The following SFXN4 variants were observed in gnomAD, a reference collection of about 807,000 sequenced individuals.
SFXN4 encodes sideroflexin 4, also known as sideroflexin-4.
A neutral mutation model predicts 54.6 loss-of-function variants in SFXN4; 48 were observed. That is an observed-to-expected ratio of 0.88 (90% CI 0.70 to 1.12). SFXN4 has a LOEUF of 1.12. Among genes scored for constraint, SFXN4 ranks in the 50% most tolerant of loss-of-function variants. The pLI is 0.00. For missense variants in SFXN4, 383 were observed against 409.2 expected, an observed-to-expected ratio of 0.94 and a Z score of 0.55; for synonymous variants, 130 against 145.5, an observed-to-expected ratio of 0.89 and a Z score of 0.77.
At chr10:119,149,222 A>G (rs1367519278) in intron 11 of SFXN4, among the ~76,000 whole-genome samples, 1 of 152,060 alleles carries the variant, frequency 6.6e-6, no homozygotes, top group African/African-American at 2.4e-5. Flanking sequence ...TCGTGTACCC[A>G]AGAGGAGCAG....
chr10:119,147,587 C>T lies in SFXN4; in HGVS notation c.818+188G>A, dbSNP rs546877481. Among the ~76,000 whole-genome samples, 24 of 152,210 alleles carry T rather than the reference C, an allele frequency of 1.6e-4. No individual in the cohort carries two copies. In the South Asian group the frequency reaches 1.9e-3, roughly 12 times the overall value. On this transcript the variant is annotated intron_variant, in intron 12 of 13. Coordinates refer to ENST00000355697, the MANE Select transcript of SFXN4 (RefSeq NM_213649.2). ...CAGAGCCTGGGCTGGATTCCCCATT[C>T]GGTGGAATCCGTACACCCGGATTTC...
chr10:119,144,379 C>T (rs1405795228), intron 13 of SFXN4, among the ~76,000 whole-genome samples: 1 of 152,066 alleles, frequency 6.6e-6, no homozygotes, highest in Non-Finnish European at 1.5e-5. Context: ...ATGGCATGAA[C>T]CCGAGAGGTG....
intron 13 of SFXN4, among the ~76,000 whole-genome samples, chr10:119,143,412 T>C (rs1306237010): frequency 6.6e-6 from 1 of 151,980 alleles, no homozygotes; most frequent in Non-Finnish European, 1.5e-5. Flanking sequence ...GTGACCCCAT[T>C]GTAGCCTTGA....
chr10:119,163,092 C>T (rs1011454450), intron 2 of SFXN4, among the ~76,000 whole-genome samples: 5 of 152,110 alleles, frequency 3.3e-5, no homozygotes, highest in African/African-American at 1.2e-4. Context: ...GCCACCACAG[C>T]CAGCCTCCAT....
At chr10:119,161,020 A>G in intron 4 of SFXN4, 35 bp downstream of exon 4, 1 of 1,614,148 alleles carries the variant, frequency 6.2e-7, no homozygotes, top group Non-Finnish European at 8.5e-7. Context: ...TTGTTATTAT[A>G]GGACACTAAA....
chr10:119,161,888 T>G (rs1235503329), intron 3 of SFXN4, among the ~76,000 whole-genome samples: 1 of 152,198 alleles, frequency 6.6e-6, no homozygotes, highest in Non-Finnish European at 1.5e-5. Flanking sequence ...CTTGAGGAGC[T>G]GGTGTTTGTG....
rs376186435 is a variant in SFXN4, at chr10:119,141,181, C to G, written c.*61G>C. ...AGACCTGTGGCAAAGTTCTCTAAAC[C>G]GAACCTGGAGAGGGGAAGGTTTTCA... is the stretch of plus-strand genomic sequence containing the variant. On this transcript the variant is annotated 3_prime_UTR_variant, in exon 14 of 14. Coordinates refer to ENST00000355697, the MANE Select transcript of SFXN4 (RefSeq NM_213649.2). 2.6e-4 allele frequency: 338 copies of G among 1,313,838 alleles called. 1 individual carries two copies. Among genetic ancestry groups the G allele is most frequent in the Admixed American group, 5.6e-4 (30 of 53,434 alleles). The allele number at this position is 1,313,838 out of a possible 1,614,324, so 81.4% of individuals were successfully genotyped here. A position where few individuals can be genotyped will look rare whatever the true frequency, so the allele number is the denominator to read the frequency against.
At position 119,147,517 on chromosome 10, in the gene SFXN4, C is replaced by T. The variant is rs549167682; in HGVS notation, c.818+258G>A. ...CTCATTCTAGAGGTGAGGAAATGGC[C>T]GTGGAAGGTCCTTCGACACGCCAAG... On this transcript the variant is annotated intron_variant, in intron 12 of 13. Transcript: ENST00000355697. Among the ~76,000 whole-genome samples the T allele has an allele frequency of 3.2e-4, 48 of 152,246 alleles. No homozygotes were observed. The East Asian group carries it at 8.9e-3, about 28-fold the overall frequency.
intron 1 of SFXN4, 34 bp from the exon 2 acceptor site, chr10:119,164,230 G>A (rs761451107): frequency 7.6e-7 from 1 of 1,311,106 alleles, no homozygotes; most frequent in Non-Finnish European, 1.1e-6. Flanking sequence ...AGAGGTTAAT[G>A]GCAGCAGAAA....
intron 1 of SFXN4, 72 bp from the exon 2 acceptor site, chr10:119,164,268 C>CAT (rs1847675026): frequency 4.0e-6 from 2 of 504,884 alleles, no homozygotes; most frequent in Non-Finnish European, 6.7e-6. Flanking sequence ...TAACAGTTGG[C>CAT]TTTTTTTTTT....
chr10:119,147,483 T>C (rs1846865583), intron 12 of SFXN4, among the ~76,000 whole-genome samples: 1 of 152,044 alleles, frequency 6.6e-6, no homozygotes, highest in Non-Finnish European at 1.5e-5. Context: ...CTGCAAATCA[T>C]CCAAGCCCCT....
chr10:119,149,239 C>T (rs1280851882), intron 11 of SFXN4, among the ~76,000 whole-genome samples: 3 of 152,150 alleles, frequency 2.0e-5, no homozygotes, highest in African/African-American at 7.2e-5. Flanking sequence ...GCAGGCACAC[C>T]TGCGCCCGTC....
At chr10:119,158,111 G>A in intron 6 of SFXN4, 49 bp from the exon 7 acceptor site, 1 of 1,556,280 alleles carries the variant, frequency 6.4e-7, no homozygotes, top group Non-Finnish European at 8.9e-7. Context: ...TGTGGAAGGA[G>A]AACTTGCAGT....
Position 119,165,581 on chromosome 10 carries a change from C to T in SFXN4, c.67G>A (p.Ala23Thr). The part of the protein sequence containing the change: ...RLLGRRDAVP[A>T]FIEPNVRFWI... Reference sequence around the variant, plus strand: ...AAGCGCACGTTGGGCTCAATGAAGGCGGGGACGGCGTCTCTGCGTCCTAGG... The same window carrying T: ...AAGCGCACGTTGGGCTCAATGAAGGTGGGGACGGCGTCTCTGCGTCCTAGG... Residue 23 changes from alanine to threonine, a missense_variant, in exon 1 of 14, where the codon GCC becomes ACC. Coordinates refer to ENST00000355697, the MANE Select transcript of SFXN4 (RefSeq NM_213649.2). 1 of 1,593,156 alleles carries T rather than the reference C, an allele frequency of 6.3e-7. No individual in the cohort carries two copies. The highest frequency in any genetic ancestry group is 8.5e-7 in the Non-Finnish European group (1 of 1,171,554).
At chr10:119,159,823 T>C in intron 5 of SFXN4, 70 bp from the exon 6 acceptor site, 1 of 1,526,116 alleles carries the variant, frequency 6.6e-7, no homozygotes. Context: ...AGAAGGGGAC[T>C]ACCCACCTGA....
chr10:119,140,968 C>A lies in SFXN4; in HGVS notation c.*274G>T. The A allele has an allele frequency of 2.9e-6, 1 of 347,242 alleles. No individual in the cohort carries two copies. Among genetic ancestry groups the A allele is most frequent in the Non-Finnish European group, 5.2e-6 (1 of 190,584 alleles). 21.5% of individuals were successfully genotyped at this position (347,242 alleles called of 1,614,324 possible). A position where few individuals can be genotyped will look rare whatever the true frequency, so the allele number is the denominator to read the frequency against. ...GTTTATTAGTTAATTAGTGATTTCA[C>A]AGTATCCTTTCGCAGGCCGATCCCC... is the stretch of plus-strand genomic sequence containing the variant. On this transcript the variant is annotated 3_prime_UTR_variant, in exon 14 of 14. Coordinates refer to ENST00000355697, the MANE Select transcript of SFXN4 (RefSeq NM_213649.2).
chr10:119,151,135 C>T (rs1031302512), intron 11 of SFXN4, among the ~76,000 whole-genome samples: 2 of 152,066 alleles, frequency 1.3e-5, no homozygotes, highest in African/African-American at 4.8e-5. Flanking sequence ...TTTGGGAGGC[C>T]GAGGCGGGTG....
Position 119,140,933 on chromosome 10 carries a change from C to G in SFXN4, c.*309G>C. 1 of 243,806 alleles carries G rather than the reference C, an allele frequency of 4.1e-6. No individual in the cohort carries two copies. Among genetic ancestry groups the G allele is most frequent in the Non-Finnish European group, 7.9e-6 (1 of 126,640 alleles). The allele number at this position is 243,806 out of a possible 1,614,324, so 15.1% of individuals were successfully genotyped here. On this transcript the variant is annotated 3_prime_UTR_variant, in exon 14 of 14. Transcript: ENST00000355697. ...CTGTGTTCTTTCTTCAAATCCTCAA[C>G]TTGAGACAGGTTTATTAGTTAATTA...
At chr10:119,149,718 C>G (rs565044139) in intron 11 of SFXN4, among the ~76,000 whole-genome samples, 1 of 152,188 alleles carries the variant, frequency 6.6e-6, no homozygotes, top group East Asian at 1.9e-4. Flanking sequence ...CCATTGCACT[C>G]CAGCCTAGGC....
Sources: gnomAD v4.1 joint callset for allele counts (sites outside exome capture counted in the v4.1 genomes callset) on GRCh38, gnomAD v4.1.1 for gene constraint, MANE v1.5 for transcripts, NCBI Gene and HGNC (gene_info 2026-07-23, HGNC 2026-07-21) for gene names.